Variants in BPIFB3 observed in about 807,000 individuals in gnomAD.
BPIFB3 encodes the protein BPI fold containing family B member 3.
A neutral mutation model predicts 53.1 loss-of-function variants in BPIFB3; 49 were observed. The observed-to-expected ratio is 0.92, with a 90% CI of 0.73 to 1.17. The LOEUF (loss-of-function observed/expected upper bound fraction) is 1.17. BPIFB3 is among the 50% of genes most tolerant of loss of function. BPIFB3 has a pLI of 0.00. For missense variants in BPIFB3, 628 were observed against 592.5 expected (o/e 1.06, Z -0.62); for synonymous variants, 271 against 269.6 (o/e 1.01, Z -0.05).
chr20:33,059,838 GC>G, intron 3 of BPIFB3, 52 bp from the exon 5 acceptor site: 1 of 1,592,836 alleles, frequency 6.3e-7, no homozygotes, highest in Non-Finnish European at 8.5e-7. Context: ...GGTGGGCGGG[GC>G]CAAGGGTGGG....
intron 8 of BPIFB3, among the ~76,000 whole-genome samples, chr20:33,066,268 A>C (rs746311437): frequency 1.9e-4 from 29 of 152,332 alleles, no homozygotes; most frequent in Middle Eastern, 3.4e-3. Flanking sequence ...AGCTGCCACA[A>C]GGGGAGGGGG....
rs770683995 is a variant in BPIFB3 at position 33,071,389 on chromosome 20, T to C, written c.1260+94T>C. ...GGCCATGAGTCATGGGCCATATGAC[T>C]GAGCTGACCTCAGGACTGGGATCCT... On this transcript the variant is annotated intron_variant, in intron 12 of 14. Coordinates refer to ENST00000375494, the Ensembl canonical transcript of BPIFB3. 837 of 1,386,162 alleles carry C rather than the reference T, an allele frequency of 6.0e-4. 1 individual carries two copies. Among genetic ancestry groups the C allele is most frequent in the Non-Finnish European group, 7.7e-4 (775 of 1,005,422 alleles). The allele number at this position is 1,386,162 out of a possible 1,614,324, so 85.9% of individuals were successfully genotyped here. A position where few individuals can be genotyped will look rare whatever the true frequency, so the allele number is the denominator to read the frequency against.
At chr20:33,073,774 A>T (rs189189471), downstream of BPIFB3, 222 of 722,096 alleles carry the variant, frequency 3.1e-4, no homozygotes, top group African/African-American at 3.5e-3. Context: ...TAATCATAGA[A>T]CTGCCTCAGA....
chr20:33,072,011 C>T, intron 12 of BPIFB3, 93 bp from the exon 14 acceptor site: 1 of 1,323,876 alleles, frequency 7.6e-7, no homozygotes, highest in Non-Finnish European at 1.1e-6. Flanking sequence ...GGCAGCTGGG[C>T]CCCTGGGTTT....
intron 9 of BPIFB3, among the ~76,000 whole-genome samples, chr20:33,067,951 T>C (rs765135772): frequency 4.6e-5 from 7 of 152,242 alleles, no homozygotes; most frequent in Non-Finnish European, 1.0e-4. Context: ...GCAAGGGACA[T>C]ACTTATGTGT....
At chr20:33,055,442 G>A (rs1385919419) in exon 1 of BPIFB3, 3 of 1,613,496 alleles carry the variant, frequency 1.9e-6, no homozygotes, top group Non-Finnish European at 2.5e-6. Flanking sequence ...AGTCATGCTG[G>A]CCCTGTGGTC....
At chr20:33,071,344 G>A in intron 12 of BPIFB3, 49 bp downstream of exon 13, 1 of 1,545,264 alleles carries the variant, frequency 6.5e-7, no homozygotes, top group Non-Finnish European at 8.8e-7. Context: ...GAGTCTTCAG[G>A]TGTGGCATGG....
chr20:33,073,469 G>A, intron 14 of BPIFB3, 107 bp from the exon 16 acceptor site: 1 of 1,110,450 alleles, frequency 9.0e-7, no homozygotes, highest in Non-Finnish European at 1.3e-6. Context: ...AGTGCCTGCT[G>A]TGTTCCAGGT....
At chr20:33,070,007 A>T in intron 11 of BPIFB3, 52 bp downstream of exon 12, 1 of 1,587,542 alleles carries the variant, frequency 6.3e-7, no homozygotes, top group Non-Finnish European at 8.7e-7. Context: ...AGGAACAAGA[A>T]TTAGGGGCTG....
At chr20:33,072,663 G>A in intron 13 of BPIFB3, 54 bp from the exon 15 acceptor site, 4 of 1,493,328 alleles carry the variant, frequency 2.7e-6, no homozygotes, top group South Asian at 1.1e-5. Flanking sequence ...GGTTCCTAGG[G>A]TCCAAGAGCT....
chr20:33,069,157 AG>A (rs1980786066), intron 10 of BPIFB3, among the ~76,000 whole-genome samples, 184 bp downstream of exon 11: 2 of 151,982 alleles, frequency 1.3e-5, no homozygotes, highest in Non-Finnish European at 2.9e-5. Flanking sequence ...CCCCTGCTTC[AG>A]TTCCTGCCTG....
At chr20:33,070,830 G>T (rs1210757773) in intron 11 of BPIFB3, among the ~76,000 whole-genome samples, 1 of 152,188 alleles carries the variant, frequency 6.6e-6, no homozygotes, top group Non-Finnish European at 1.5e-5. Flanking sequence ...CTTTTAGGAG[G>T]TAGAGATGCG....
downstream of BPIFB3, among the ~76,000 whole-genome samples, chr20:33,073,817 G>A (rs181945365): frequency 1.2e-3 from 186 of 152,346 alleles, 2 homozygotes; most frequent in African/African-American, 4.3e-3. Context: ...CAAACCCTGA[G>A]CTTTCAATAA....
chr20:33,073,326 C>T (rs1157739062), intron 14 of BPIFB3, among the ~76,000 whole-genome samples: 2 of 152,178 alleles, frequency 1.3e-5, no homozygotes, highest in South Asian at 2.1e-4. Flanking sequence ...TGAAGTAGGT[C>T]AGATTTCTGG....
At chr20:33,064,637 C>T in intron 7 of BPIFB3, 29 bp from the exon 9 acceptor site, 1 of 1,612,980 alleles carries the variant, frequency 6.2e-7, no homozygotes, top group Non-Finnish European at 8.5e-7. Context: ...CCTTAAGACC[C>T]TCCTCGGCCC....
At chr20:33,070,843 C>T (rs1352621425) in intron 11 of BPIFB3, among the ~76,000 whole-genome samples, 1 of 152,204 alleles carries the variant, frequency 6.6e-6, no homozygotes, top group Non-Finnish European at 1.5e-5. Flanking sequence ...GAGATGCGTG[C>T]CCAGGCTCTG....
At chr20:33,070,599 C>T (rs989116641) in intron 11 of BPIFB3, among the ~76,000 whole-genome samples, 1 of 152,212 alleles carries the variant, frequency 6.6e-6, no homozygotes, top group African/African-American at 2.4e-5. Context: ...GCCTGTCTGT[C>T]CCTCCCCTGG....
chr20:33,062,126 TC>T, intron 5 of BPIFB3, among the ~76,000 whole-genome samples: 1 of 152,384 alleles, frequency 6.6e-6, no homozygotes, highest in South Asian at 2.1e-4. Context: ...TTTATGTTTT[TC>T]TTTAAATTAG....
intron 2 of BPIFB3, among the ~76,000 whole-genome samples, chr20:33,057,644 A>G (rs1251802552): frequency 1.3e-5 from 2 of 151,748 alleles, no homozygotes; most frequent in Non-Finnish European, 2.9e-5. Context: ...TGTCCCTCAC[A>G]TAGGATTCCA....
Sources: allele counts gnomAD v4.1 joint callset (sites outside exome capture counted in the v4.1 genomes callset), GRCh38; gene constraint gnomAD v4.1.1; transcripts MANE v1.5; gene names NCBI Gene and HGNC (gene_info 2026-07-23, HGNC 2026-07-21).